SLC36A1: variants seen among roughly 807,000 people sequenced by gnomAD.
SLC36A1 encodes the protein proton-coupled amino acid transporter 1.
Under a neutral mutation model 47.5 loss-of-function variants are expected in SLC36A1, and 30 were observed. That is an observed-to-expected ratio of 0.63 (90% confidence interval 0.47 to 0.86). SLC36A1 has a LOEUF of 0.86. Among genes scored for constraint, SLC36A1 ranks in the 40% least tolerant of loss-of-function variants. The pLI is 0.00. For missense variants in SLC36A1, 517 were observed against 606.0 expected (o/e 0.85, Z 1.54); for synonymous variants, 255 against 249.7 (o/e 1.02, Z -0.20).
At chr5:151,528,841 T>C in the SLC36A1 span, among the ~76,000 whole-genome samples, 1 of 152,330 alleles carries the variant, frequency 6.6e-6, no homozygotes, top group East Asian at 1.9e-4. Context: ...TCACCCGCTA[T>C]GACCAGGCCC....
the SLC36A1 span, chr5:151,544,155 G>T: frequency 3.7e-6 from 6 of 1,614,150 alleles, no homozygotes; most frequent in Non-Finnish European, 5.1e-6. Flanking sequence ...TGCTCCCATT[G>T]ATCTGGAAGA....
the SLC36A1 span, among the ~76,000 whole-genome samples, chr5:151,427,820 G>T: frequency 6.6e-6 from 1 of 152,168 alleles, no homozygotes; most frequent in Non-Finnish European, 1.5e-5. Flanking sequence ...AGAGATGGAG[G>T]GATGTGGGAT....
chr5:151,419,281 A>AT, the SLC36A1 span, among the ~76,000 whole-genome samples: 1 of 152,158 alleles, frequency 6.6e-6, no homozygotes, highest in African/African-American at 2.4e-5. Flanking sequence ...CAACCCTATC[A>AT]TGATTTGCTG....
intron 7 of SLC36A1, among the ~76,000 whole-genome samples, chr5:151,471,837 C>T (rs989281774): frequency 4.6e-5 from 7 of 152,140 alleles, no homozygotes; most frequent in Admixed American, 4.6e-4. Context: ...GAGCATGCCC[C>T]GTATTATCCA....
At chr5:151,440,965 G>A (rs1182444710) in intron 1 of SLC36A1, among the ~76,000 whole-genome samples, 4 of 152,216 alleles carry the variant, frequency 2.6e-5, no homozygotes, top group African/African-American at 9.7e-5. Context: ...TACAGCACGA[G>A]AGAGCATCAG....
downstream of SLC36A1, among the ~76,000 whole-genome samples, chr5:151,492,704 C>G (rs1760215600): frequency 1.3e-5 from 2 of 152,338 alleles, no homozygotes; most frequent in African/African-American, 4.8e-5. Context: ...ACTTATAATT[C>G]AGTCAAACAC....
At chr5:151,452,864 C>T (rs1472281431) in intron 1 of SLC36A1, among the ~76,000 whole-genome samples, 1 of 139,484 alleles carries the variant, frequency 7.2e-6, no homozygotes, top group Non-Finnish European at 1.5e-5. Context: ...AGGGAGACAC[C>T]ATCTCAAAAA....
chr5:151,461,680 A>G (rs1331624635), intron 2 of SLC36A1, among the ~76,000 whole-genome samples: 3 of 152,226 alleles, frequency 2.0e-5, no homozygotes, highest in Middle Eastern at 6.3e-3. Context: ...TACACTGTAG[A>G]ACGAATCAAG....
At chr5:151,434,823 A>C (rs1467766353), upstream of SLC36A1, among the ~76,000 whole-genome samples, 1 of 152,172 alleles carries the variant, frequency 6.6e-6, no homozygotes, top group Non-Finnish European at 1.5e-5. Flanking sequence ...AGCTCTCACC[A>C]GACACAGGAT....
the SLC36A1 span, among the ~76,000 whole-genome samples, chr5:151,529,688 T>C: frequency 5.3e-5 from 8 of 152,360 alleles, no homozygotes; most frequent in Middle Eastern, 6.8e-3. Flanking sequence ...TTGAGATCTA[T>C]AAAAACCCTG....
the SLC36A1 span, among the ~76,000 whole-genome samples, chr5:151,533,475 G>A: frequency 6.6e-6 from 1 of 150,746 alleles, no homozygotes; most frequent in East Asian, 2.0e-4. Flanking sequence ...TGTGTTGACT[G>A]TTTGCCCTCC....
chr5:151,479,565 A>G, intron 10 of SLC36A1, 76 bp downstream of exon 10: 1 of 1,536,604 alleles, frequency 6.5e-7, no homozygotes, highest in Non-Finnish European at 8.9e-7. Context: ...ATGAGAAAAG[A>G]CAATGTGTGT....
At chr5:151,521,134 G>A in the SLC36A1 span, 1,792 of 779,620 alleles carry the variant, frequency 2.3e-3, 30 homozygotes, top group African/African-American at 0.028. Flanking sequence ...GCCACTAGCC[G>A]TCTTATGGTG....
At chr5:151,396,052 T>C in the SLC36A1 span, among the ~76,000 whole-genome samples, 1 of 151,852 alleles carries the variant, frequency 6.6e-6, no homozygotes, top group Non-Finnish European at 1.5e-5. Context: ...TCAAGGGACC[T>C]GCTCACCGTG....
chr5:151,382,370 C>G, the SLC36A1 span: 17 of 741,892 alleles, frequency 2.3e-5, no homozygotes, highest in Admixed American at 2.3e-4. Context: ...TCAAAAATAT[C>G]AAAGATGCCT....
chr5:151,524,457 C>T, the SLC36A1 span, among the ~76,000 whole-genome samples: 21 of 152,120 alleles, frequency 1.4e-4, no homozygotes, highest in South Asian at 2.1e-4. Flanking sequence ...AATGAGAAGC[C>T]GACAGTCTGC....
At chr5:151,510,226 G>A in the SLC36A1 span, 5 of 1,593,546 alleles carry the variant, frequency 3.1e-6, no homozygotes, top group South Asian at 2.2e-5. Context: ...GCAGTTAAAG[G>A]AGACCTGGCA....
the SLC36A1 span, among the ~76,000 whole-genome samples, chr5:151,376,226 T>C: frequency 6.6e-6 from 1 of 152,194 alleles, no homozygotes; most frequent in Non-Finnish European, 1.5e-5. Context: ...TTTATAAAAT[T>C]ATTTTTCTTC....
At chr5:151,351,939 A>T in the SLC36A1 span, among the ~76,000 whole-genome samples, 1 of 152,058 alleles carries the variant, frequency 6.6e-6, no homozygotes, top group African/African-American at 2.4e-5. Context: ...ACCACAACCC[A>T]CAAGGTCCTG....
Sources: gnomAD v4.1 joint callset for allele counts (sites outside exome capture counted in the v4.1 genomes callset) on GRCh38, gnomAD v4.1.1 for gene constraint, MANE v1.5 for transcripts, NCBI Gene and HGNC (gene_info 2026-07-23, HGNC 2026-07-21) for gene names.